The following ANKS1B variants were observed in gnomAD, a reference collection of about 807,000 sequenced individuals.
The protein encoded by ANKS1B is ankyrin repeat and sterile alpha motif domain containing 1B, also known as ankyrin repeat and sterile alpha motif domain-containing protein 1B.
Under a neutral mutation model 148.3 loss-of-function variants are expected in ANKS1B, and 36 were observed. The observed-to-expected ratio is 0.24, with a 90% confidence interval of 0.19 to 0.32. ANKS1B has a LOEUF of 0.32. Ranked by LOEUF, ANKS1B falls within the 10% of genes least tolerant of loss-of-function variation. The probability of loss-of-function intolerance (pLI) is 1.00; values close to 1 mark genes in which losing one functional copy is unlikely to be tolerated. For synonymous variants in ANKS1B, 542 were observed against 560.8 expected, an observed-to-expected ratio of 0.97 and a Z score of 0.47; for missense variants, 1,157 against 1,542.6, an observed-to-expected ratio of 0.75 and a Z score of 4.19.
intron 12 of ANKS1B, among the ~76,000 whole-genome samples, chr12:99,256,701 C>A (rs2075300468): frequency 6.6e-6 from 1 of 152,172 alleles, no homozygotes; most frequent in East Asian, 1.9e-4. Context: ...TGGCTTTCAT[C>A]TTTCCTTGTT....
chr12:99,571,352 G>A (rs1380060325), intron 9 of ANKS1B, among the ~76,000 whole-genome samples: 1 of 151,438 alleles, frequency 6.6e-6, no homozygotes. Flanking sequence ...TATATCTACA[G>A]GTATAGATAG....
intron 2 of ANKS1B, among the ~76,000 whole-genome samples, chr12:99,818,601 T>G (rs1300953346): frequency 1.3e-5 from 2 of 151,762 alleles, no homozygotes; most frequent in Non-Finnish European, 3.0e-5. Context: ...ACAAATACTC[T>G]AAAATCCTAA....
intron 12 of ANKS1B, among the ~76,000 whole-genome samples, chr12:99,397,730 C>A (rs73372083): frequency 1.3e-5 from 2 of 152,010 alleles, no homozygotes; most frequent in African/African-American, 4.8e-5. Flanking sequence ...AATTGATATA[C>A]ATAAAATGCC....
At chr12:99,707,763 T>C (rs1206292501) in intron 8 of ANKS1B, among the ~76,000 whole-genome samples, 2 of 152,058 alleles carry the variant, frequency 1.3e-5, no homozygotes, top group Admixed American at 6.6e-5. Flanking sequence ...CAATAGCCAT[T>C]TGACTCTCTA....
At chr12:98,860,211 A>C (rs1308868446) in intron 17 of ANKS1B, among the ~76,000 whole-genome samples, 1 of 152,260 alleles carries the variant, frequency 6.6e-6, no homozygotes, top group African/African-American at 2.4e-5. Flanking sequence ...CTGGATGCCA[A>C]ACACATACAC....
intron 1 of ANKS1B, among the ~76,000 whole-genome samples, chr12:99,854,070 G>A (rs550556909): frequency 1.3e-5 from 2 of 152,304 alleles, no homozygotes; most frequent in South Asian, 2.1e-4. Context: ...GTGTGCAGTG[G>A]TGCGATCTCG....
chr12:99,694,305 G>T (rs1033895771), intron 8 of ANKS1B, among the ~76,000 whole-genome samples: 1 of 151,330 alleles, frequency 6.6e-6, no homozygotes, highest in African/African-American at 2.4e-5. Flanking sequence ...TAGGCACAGT[G>T]GTAGGTACCT....
At chr12:99,918,427 T>C (rs17029865) in intron 1 of ANKS1B, among the ~76,000 whole-genome samples, 29,533 of 152,176 alleles carry the variant, frequency 0.19, 3,100 homozygotes, top group Non-Finnish European at 0.24. Context: ...ACCCTTTATT[T>C]TGGTGCCTGA....
chr12:99,473,937 G>A (rs1330617205), intron 10 of ANKS1B, among the ~76,000 whole-genome samples: 1 of 151,978 alleles, frequency 6.6e-6, no homozygotes, highest in Admixed American at 6.6e-5. Flanking sequence ...TGTACTTTTT[G>A]TCTTGTGTAA....
chr12:99,810,028 C>T (rs1215739311), intron 3 of ANKS1B, among the ~76,000 whole-genome samples: 1 of 151,978 alleles, frequency 6.6e-6, no homozygotes, highest in Non-Finnish European at 1.5e-5. Flanking sequence ...TTGCACAATG[C>T]CTGGCACACA....
At chr12:99,966,897 T>C (rs2095491223) in intron 1 of ANKS1B, among the ~76,000 whole-genome samples, 1 of 152,174 alleles carries the variant, frequency 6.6e-6, no homozygotes, top group Non-Finnish European at 1.5e-5. Flanking sequence ...AGAAAACAAA[T>C]ACTAAATCTT....
At chr12:99,743,293 A>G (rs1239829688) in intron 8 of ANKS1B, among the ~76,000 whole-genome samples, 1 of 152,208 alleles carries the variant, frequency 6.6e-6, no homozygotes, top group Non-Finnish European at 1.5e-5. Context: ...AAGACCTTTC[A>G]GTTCCTATGG....
chr12:99,709,464 G>A (rs2153533725), intron 8 of ANKS1B, among the ~76,000 whole-genome samples: 1 of 152,198 alleles, frequency 6.6e-6, no homozygotes, highest in Admixed American at 6.5e-5. Flanking sequence ...CAGGTACAGA[G>A]TTACAGGTTT....
chr12:99,561,221 T>C (rs955589822), intron 9 of ANKS1B, among the ~76,000 whole-genome samples: 21 of 152,180 alleles, frequency 1.4e-4, no homozygotes, highest in Non-Finnish European at 2.6e-4. Context: ...AATTCTTCTA[T>C]AGCATGTGAT....
At chr12:98,877,505 C>T (rs866346075) in intron 17 of ANKS1B, among the ~76,000 whole-genome samples, 1 of 152,312 alleles carries the variant, frequency 6.6e-6, no homozygotes, top group Middle Eastern at 3.4e-3. Context: ...TCCAAATTAG[C>T]TTTCTTCCTT....
At position 98,782,140 on chromosome 12, in the gene ANKS1B, G is replaced by T; in HGVS notation, c.3343-3C>A. 1 of 1,599,304 alleles carries T rather than the reference G, an allele frequency of 6.3e-7. No homozygotes were observed. The highest frequency in any genetic ancestry group is 8.5e-7 in the Non-Finnish European group (1 of 1,172,184). On this transcript the variant is annotated splice_polypyrimidine_tract_variant and splice_region_variant and intron_variant, in intron 22 of 26. Coordinates refer to ENST00000683438, the MANE Select transcript of ANKS1B (RefSeq NM_001352186.2). ...GAAGAACCTACCTGACAGTTAGCCTGGTGGATTTTCCAGTTAAGACAGATG... is the reference window on the plus strand; with the variant it reads ...GAAGAACCTACCTGACAGTTAGCCTTGTGGATTTTCCAGTTAAGACAGATG...
chr12:99,824,607 A>ATTTT (rs1198723759), intron 2 of ANKS1B, among the ~76,000 whole-genome samples: 2 of 151,892 alleles, frequency 1.3e-5, no homozygotes, highest in Non-Finnish European at 2.9e-5. Flanking sequence ...GAAGAGGGTC[A>ATTTT]TTTTTTTTCT....
chr12:99,291,292 T>C lies in ANKS1B; in HGVS notation c.1757-44428A>G, dbSNP rs989700616. On this transcript the variant is annotated intron_variant, in intron 12 of 26. Transcript: ENST00000683438. ...TGTTCAGGGATTGGAAGAATCAATA[T>C]TGTTACAATAAAATGCTCATACTAA... Among the ~76,000 whole-genome samples, 10 of 152,284 alleles carry C rather than the reference T, an allele frequency of 6.6e-5. No individual in the cohort carries two copies. In the East Asian group the frequency reaches 9.6e-4, roughly 15 times the overall value.
At chr12:99,758,455 CTG>C (rs1472712952) in intron 8 of ANKS1B, among the ~76,000 whole-genome samples, 1 of 151,852 alleles carries the variant, frequency 6.6e-6, no homozygotes, top group African/African-American at 2.4e-5. Context: ...GTGGTGAGCA[CTG>C]TGTTAGGTAC....
Sources: gnomAD v4.1 joint callset for allele counts (sites outside exome capture counted in the v4.1 genomes callset) on GRCh38, gnomAD v4.1.1 for gene constraint, MANE v1.5 for transcripts, NCBI Gene and HGNC (gene_info 2026-07-23, HGNC 2026-07-21) for gene names.